PRKCH: variants seen among roughly 807,000 people sequenced by gnomAD.
The protein encoded by PRKCH is protein kinase C eta, also known as protein kinase C eta type.
In PRKCH, 28 loss-of-function variants were observed where a neutral mutation model predicts 82.5. That is an observed-to-expected ratio of 0.34 (90% CI 0.25 to 0.47). The LOEUF (loss-of-function observed/expected upper bound fraction) is 0.47, where lower values mean the gene tolerates loss of function less well. Ranked by LOEUF, PRKCH falls within the 20% of genes least tolerant of loss-of-function variation. The probability of loss-of-function intolerance (pLI) is 1.00; values close to 1 mark genes in which losing one functional copy is unlikely to be tolerated. For missense variants in PRKCH, 705 were observed against 881.8 expected (o/e 0.80, Z 2.54); for synonymous variants, 322 against 327.4 (o/e 0.98, Z 0.18).
rs111650869 is a variant in PRKCH, at chr14:61,327,979, G to A, written c.363+5515G>A. Among the ~76,000 whole-genome samples the A allele has an allele frequency of 3.2e-3, 489 of 151,506 alleles. 4 individuals are homozygous for A. Among genetic ancestry groups the A allele is most frequent in the African/African-American group, 0.01 (421 of 41,288 alleles). On this transcript the variant is annotated intron_variant, in intron 1 of 13. Coordinates refer to ENST00000332981, the MANE Select transcript of PRKCH (RefSeq NM_006255.5). ...GAAAGACTGGGCCTGGGCCGGGCGC[G>A]GTGGCTCACGCCTGTAATCCCAGCA...
rs556882802 is a variant in PRKCH at position 61,378,078 on chromosome 14, G to A, written c.364-13147G>A. On this transcript the variant is annotated intron_variant, in intron 1 of 13. Coordinates refer to ENST00000332981, the MANE Select transcript of PRKCH (RefSeq NM_006255.5). Reference sequence around the variant, plus strand: ...GATATTAGTTCTATCACTTCTCACAGGTTGCTCCTGACTCAGAATGGTCTC... The same window carrying A: ...GATATTAGTTCTATCACTTCTCACAAGTTGCTCCTGACTCAGAATGGTCTC... 1.5e-3 allele frequency among the ~76,000 whole-genome samples: 232 copies of A among 152,240 alleles called. 1 individual carries two copies. Among genetic ancestry groups the A allele is most frequent in the African/African-American group, 5.1e-3 (213 of 41,534 alleles).
chr14:61,208,328 G>A (rs949597927), intron 1 of PRKCH, among the ~76,000 whole-genome samples: 18 of 152,046 alleles, frequency 1.2e-4, no homozygotes, highest in Admixed American at 9.2e-4. Flanking sequence ...TGGCACTGGG[G>A]AAAGTACTAT....
At chr14:61,523,269 C>T (rs1293089677) in intron 10 of PRKCH, among the ~76,000 whole-genome samples, 1 of 152,222 alleles carries the variant, frequency 6.6e-6, no homozygotes, top group Non-Finnish European at 1.5e-5. Context: ...AAAAACCTTG[C>T]TTTGCAGTAT....
At chr14:61,456,985 T>C in intron 7 of PRKCH, 191 bp from the exon 8 acceptor site, 1 of 595,636 alleles carries the variant, frequency 1.7e-6, no homozygotes, top group East Asian at 2.9e-5. Context: ...CACAAAGCAG[T>C]AAGCACAGAT....
chr14:61,369,359 TTTAGACC>T (rs1305935375), intron 1 of PRKCH, among the ~76,000 whole-genome samples: 3 of 152,130 alleles, frequency 2.0e-5, no homozygotes, highest in Non-Finnish European at 2.9e-5. Context: ...GAGACATTTC[TTTAGACC>T]TAAGGGCTTT....
intron 10 of PRKCH, among the ~76,000 whole-genome samples, chr14:61,518,844 G>T (rs907883278): frequency 1.8e-4 from 28 of 152,048 alleles, no homozygotes; most frequent in Admixed American, 1.2e-3. Context: ...ACAGGATCTT[G>T]CTCTGTTGCC....
chr14:61,485,396 A>G (rs1886173041), intron 9 of PRKCH, 106 bp from the exon 10 acceptor site: 2 of 1,385,068 alleles, frequency 1.4e-6, no homozygotes, highest in Non-Finnish European at 2.0e-6. Context: ...GAATACATCC[A>G]CTTGACAGTG....
At chr14:61,393,123 T>C (rs1196694002) in intron 2 of PRKCH, among the ~76,000 whole-genome samples, 1 of 152,186 alleles carries the variant, frequency 6.6e-6, no homozygotes, top group East Asian at 1.9e-4. Context: ...CTCTTTCTTT[T>C]CTCTACATTA....
chr14:61,400,015 T>A (rs1881521153), intron 2 of PRKCH, among the ~76,000 whole-genome samples: 1 of 152,222 alleles, frequency 6.6e-6, no homozygotes, highest in South Asian at 2.1e-4. Flanking sequence ...GCACTTGAAT[T>A]TTGGCATCTG....
intron 1 of PRKCH, among the ~76,000 whole-genome samples, chr14:61,297,169 A>G (rs2045412903): frequency 6.6e-6 from 1 of 152,232 alleles, no homozygotes; most frequent in Non-Finnish European, 1.5e-5. Flanking sequence ...ATGCTAGGCT[A>G]TGCAGAAGAA....
chr14:61,228,556 G>T (rs2044715585), intron 1 of PRKCH, among the ~76,000 whole-genome samples: 1 of 152,182 alleles, frequency 6.6e-6, no homozygotes, highest in Non-Finnish European at 1.5e-5. Flanking sequence ...ATATTGGATA[G>T]AAGATGAATC....
intron 1 of PRKCH, among the ~76,000 whole-genome samples, chr14:61,264,572 A>G (rs144959661): frequency 5.9e-5 from 9 of 152,336 alleles, no homozygotes; most frequent in African/African-American, 2.2e-4. Flanking sequence ...TAGTAATCCT[A>G]ATTCAACTCT....
chr14:61,529,911 A>T (rs896676661), intron 11 of PRKCH, among the ~76,000 whole-genome samples: 35 of 109,764 alleles, frequency 3.2e-4, no homozygotes, highest in African/African-American at 1.4e-3. Flanking sequence ...ATAATAAAAA[A>T]AAATATATAT....
At chr14:61,388,332 A>G (rs2046621553) in intron 1 of PRKCH, among the ~76,000 whole-genome samples, 1 of 152,202 alleles carries the variant, frequency 6.6e-6, no homozygotes, top group Non-Finnish European at 1.5e-5. Flanking sequence ...CTTTTCCACC[A>G]CAGTGGGTGA....
Position 61,280,323 on chromosome 14 carries a change from C to A in PRKCH, c.-19+92655C>A. 6.2e-7 allele frequency: 1 copy of A among 1,613,888 alleles called. No homozygotes were observed. Among genetic ancestry groups the A allele is most frequent in the Non-Finnish European group, 8.5e-7 (1 of 1,179,954 alleles). ...GGTAGGCGCCCCGCGGCAGCCCGGC[C>A]GAGTAGTTGCCCTGGCGGATGCGCG... On this transcript the variant is annotated intron_variant, in intron 1 of 3. Transcript: ENST00000555185. The surrounding 1 kb of genome is among the most constrained non-coding windows in gnomAD (Gnocchi z 5.0).
At chr14:61,458,850 T>A (rs1884903451) in intron 9 of PRKCH, among the ~76,000 whole-genome samples, 1 of 151,936 alleles carries the variant, frequency 6.6e-6, no homozygotes, top group Non-Finnish European at 1.5e-5. Flanking sequence ...AGGGGGGAAA[T>A]CTGCCTCATG....
intron 9 of PRKCH, among the ~76,000 whole-genome samples, chr14:61,466,334 T>C (rs1407867588): frequency 1.3e-5 from 2 of 152,146 alleles, no homozygotes; most frequent in African/African-American, 4.8e-5. Context: ...CCCTGACTCA[T>C]TTATGGCGAA....
At chr14:61,263,429 C>G (rs1242319190) in intron 1 of PRKCH, among the ~76,000 whole-genome samples, 2 of 151,944 alleles carry the variant, frequency 1.3e-5, no homozygotes, top group South Asian at 4.1e-4. Context: ...TTTACTACAA[C>G]CTTGTAAAAT....
chr14:61,479,643 A>G (rs1365187664), intron 9 of PRKCH, among the ~76,000 whole-genome samples: 2 of 152,160 alleles, frequency 1.3e-5, no homozygotes, highest in African/African-American at 4.8e-5. Flanking sequence ...CTCCTATCGA[A>G]CAGCCCTTAA....
Sources: gnomAD v4.1 joint callset for allele counts (sites outside exome capture counted in the v4.1 genomes callset) on GRCh38, gnomAD v4.1.1 for gene constraint, Gnocchi (gnomAD v3.1) non-coding constraint, MANE v1.5 for transcripts, NCBI Gene and HGNC (gene_info 2026-07-23, HGNC 2026-07-21) for gene names.